The following PAK3 variants were observed in gnomAD, a reference collection of about 807,000 sequenced individuals.
The protein encoded by PAK3 is serine/threonine-protein kinase PAK 3.
In PAK3, 4 loss-of-function variants were observed where a neutral mutation model predicts 41.0. The ratio of observed to expected loss-of-function variants is 0.10; its 90% confidence interval spans 0.05 to 0.22. PAK3 has a LOEUF of 0.22. PAK3 is among the 10% of genes least tolerant of loss of function. PAK3 has a pLI of 1.00. For missense variants in PAK3, 205 were observed against 409.9 expected (o/e 0.50, Z 4.32); for synonymous variants, 146 against 139.6 (o/e 1.05, Z -0.32).
intron 1 of PAK3, among the ~76,000 whole-genome samples, chrX:110,991,138 AAAAAGAAAAG>A (rs2091636932): frequency 6.2e-5 from 1 of 16,078 alleles, no homozygotes; most frequent in African/African-American, 6.6e-5. Context: ...TCTCAAAAAA[AAAAAGAAAAG>A]AAAAAGAAAA....
intron 1 of PAK3, among the ~76,000 whole-genome samples, chrX:111,077,968 A>G (rs930752477): frequency 8.9e-6 from 1 of 112,007 alleles, no homozygotes; most frequent in Non-Finnish European, 1.9e-5. Flanking sequence ...CAAGAAAACA[A>G]ATAACCCAAT....
chrX:111,050,977 G>A (rs1237561218), intron 1 of PAK3, among the ~76,000 whole-genome samples: 1 of 111,694 alleles, frequency 9.0e-6, no homozygotes, highest in Non-Finnish European at 1.9e-5. Context: ...GAGACTCAAA[G>A]GACAAAGTGG....
chrX:110,969,450 A>ATTT (rs35064494), intron 1 of PAK3, among the ~76,000 whole-genome samples: 12 of 47,351 alleles, frequency 2.5e-4, no homozygotes, highest in African/African-American at 9.3e-4. Flanking sequence ...GACGTGGCTA[A>ATTT]TTTTTTTTTT....
intron 17 of PAK3, among the ~76,000 whole-genome samples, chrX:111,220,139 T>G (rs1350963665): frequency 8.9e-6 from 1 of 111,803 alleles, no homozygotes; most frequent in East Asian, 2.8e-4. Flanking sequence ...ACAAGATCCC[T>G]CAGAGTTTCT....
chrX:111,208,279 A>G (rs2094777342), intron 16 of PAK3, among the ~76,000 whole-genome samples: 1 of 112,739 alleles, frequency 8.9e-6, no homozygotes, highest in Non-Finnish European at 1.9e-5. Context: ...AAATTTAAAA[A>G]CTTACAGCAA....
chrX:111,112,096 C>A (rs1268784045), intron 4 of PAK3, among the ~76,000 whole-genome samples: 1 of 111,731 alleles, frequency 9.0e-6, no homozygotes, highest in Non-Finnish European at 1.9e-5. Context: ...ACATTGTCAC[C>A]TGAGTAATAG....
intron 1 of PAK3, among the ~76,000 whole-genome samples, chrX:111,061,060 T>G (rs1469646218): frequency 1.8e-5 from 2 of 111,738 alleles, no homozygotes; most frequent in African/African-American, 6.5e-5. Flanking sequence ...GTTGATCATC[T>G]TTGTCTTATT....
chrX:111,006,047 G>A (rs926124055), intron 1 of PAK3, among the ~76,000 whole-genome samples: 2 of 111,283 alleles, frequency 1.8e-5, no homozygotes, highest in Non-Finnish European at 3.8e-5. Context: ...CTATAGCACA[G>A]TATTTCTCAG....
chrX:111,023,432 C>G (rs1347598849), intron 1 of PAK3, among the ~76,000 whole-genome samples: 15 of 111,996 alleles, frequency 1.3e-4, no homozygotes, highest in African/African-American at 4.5e-4. Context: ...GGGCCAAATG[C>G]TATTTCTAGT....
intron 17 of PAK3, among the ~76,000 whole-genome samples, chrX:111,219,209 A>G (rs1404542268): frequency 7.3e-5 from 7 of 95,365 alleles, no homozygotes; most frequent in African/African-American, 3.2e-4. Context: ...TAATAATAAT[A>G]ATAATAATAA....
At chrX:111,132,732 G>C (rs932396872) in intron 5 of PAK3, among the ~76,000 whole-genome samples, 1 of 111,666 alleles carries the variant, frequency 9.0e-6, no homozygotes, top group African/African-American at 3.3e-5. Flanking sequence ...AGATATAACA[G>C]AATCTGGAGC....
At position 111,097,693 on chromosome X, in the gene PAK3, G is replaced by A. The variant is rs1057084707; in HGVS notation, c.-176+9G>A. The A allele has an allele frequency of 9.0e-6, 1 of 110,925 alleles. No individual in the cohort carries two copies. Among genetic ancestry groups the A allele is most frequent in the African/African-American group, 3.3e-5 (1 of 30,382 alleles). The allele number at this position is 110,925 out of a possible 1,213,427, so 9.1% of individuals were successfully genotyped here. ...ATGAGCAAGGTGTAAAGGTCAGTGC[G>A]GTTTTCACTGGGCCATTTGCAAAAT... On this transcript the variant is annotated intron_variant, in intron 3 of 17. Transcript: ENST00000372007.
intron 1 of PAK3, among the ~76,000 whole-genome samples, chrX:110,959,265 G>A (rs950962010): frequency 7.2e-5 from 8 of 111,780 alleles, no homozygotes; most frequent in Non-Finnish European, 9.4e-5. Context: ...TCCCAAAAGG[G>A]TCTATTCAGA....
intron 11 of PAK3, among the ~76,000 whole-genome samples, chrX:111,181,734 A>ATT (rs755826208): frequency 1.8e-3 from 176 of 95,950 alleles, no homozygotes; most frequent in African/African-American, 6.2e-3. Context: ...AAAACCTCTG[A>ATT]TTTTTTTTTT....
chrX:111,011,623 G>A (rs777484064), intron 1 of PAK3, among the ~76,000 whole-genome samples: 21 of 112,073 alleles, frequency 1.9e-4, no homozygotes, highest in Admixed American at 3.8e-4. Flanking sequence ...AATTTTCCAC[G>A]TATTCATTGC....
chrX:111,184,400 CT>C (rs60940644), intron 11 of PAK3, among the ~76,000 whole-genome samples: 2,682 of 103,217 alleles, frequency 0.026, 44 homozygotes, highest in African/African-American at 0.059. Context: ...GTGACACTGA[CT>C]TTTTTTTTTT....
In PAK3 at chrX:111,222,354, A is replaced by G. The variant is rs748883724; in HGVS notation, c.*1907A>G. 23 of 111,998 alleles carry G rather than the reference A, an allele frequency of 2.1e-4. No individual in the cohort carries two copies. The highest frequency in any genetic ancestry group is 7.1e-4 in the African/African-American group (22 of 30,887). 9.2% of individuals were successfully genotyped at this position (111,998 alleles called of 1,213,427 possible). A position where few individuals can be genotyped will look rare whatever the true frequency, so the allele number is the denominator to read the frequency against. ...GTTCAGGAGATGACCCCACTGGTGT[A>G]TTTCCTATTTTCCCTATTGTTTTCT... On this transcript the variant is annotated 3_prime_UTR_variant, in exon 18 of 18. Coordinates refer to ENST00000372007, the MANE Select transcript of PAK3 (RefSeq NM_002578.5).
intron 7 of PAK3, 99 bp downstream of exon 7, chrX:111,147,989 T>C (rs867318747): frequency 2.8e-6 from 2 of 705,556 alleles, no homozygotes; most frequent in Middle Eastern, 9.5e-4. Context: ...AAATCGATTC[T>C]AGTACCTTCT....
intron 1 of PAK3, among the ~76,000 whole-genome samples, chrX:111,078,250 GT>G (rs903606212): frequency 1.1e-3 from 112 of 102,696 alleles, no homozygotes; most frequent in African/African-American, 3.2e-3. Flanking sequence ...AGCTATCATA[GT>G]TTTTTTTTTG....
Sources: gnomAD v4.1 joint callset for allele counts (sites outside exome capture counted in the v4.1 genomes callset) on GRCh38, gnomAD v4.1.1 for gene constraint, MANE v1.5 for transcripts, NCBI Gene and HGNC (gene_info 2026-07-23, HGNC 2026-07-21) for gene names.